PIK3R5: variants seen among roughly 807,000 people sequenced by gnomAD.
PIK3R5 encodes the protein phosphoinositide-3-kinase regulatory subunit 5.
Under a neutral mutation model 94.9 loss-of-function variants are expected in PIK3R5, and 32 were observed. The ratio of observed to expected loss-of-function variants is 0.34; its 90% CI spans 0.25 to 0.45. PIK3R5 has a LOEUF of 0.45. Ranked by LOEUF, PIK3R5 falls within the 20% of genes least tolerant of loss-of-function variation. The probability of loss-of-function intolerance (pLI) is 1.00; values close to 1 mark genes in which losing one functional copy is unlikely to be tolerated. For synonymous variants in PIK3R5, 443 were observed against 479.4 expected (o/e 0.92, Z 0.99); for missense variants, 853 against 1,144.6 (o/e 0.75, Z 3.68).
chr17:8,948,042 T>TAAAAAAAAAAAAAA (rs71135932), intron 1 of PIK3R5, among the ~76,000 whole-genome samples: 21 of 62,738 alleles, frequency 3.3e-4, no homozygotes, highest in Non-Finnish European at 4.8e-4. Flanking sequence ...GACTCCGTCT[T>TAAAAAAAAAAAAAA]AAAAAAAAAA....
At position 8,955,290 on chromosome 17, in the gene PIK3R5, C is replaced by G. The variant is rs1451589321; in HGVS notation, c.-14+10306G>C. On this transcript the variant is annotated intron_variant, in intron 1 of 18. Transcript: ENST00000447110. This position sits in a 1 kb window ranked among gnomAD's most constrained non-coding sequence, Gnocchi z 4.4. ...CATTCAGCAAGCACTGATTGAATGA[C>G]AAGTGCTGGCCCCTGCAAGGCACTG... 6.6e-6 allele frequency among the ~76,000 whole-genome samples: 1 copy of G among 152,228 alleles called. No homozygotes were observed. The highest frequency in any genetic ancestry group is 1.5e-5 in the Non-Finnish European group (1 of 68,038).
intron 14 of PIK3R5, among the ~76,000 whole-genome samples, chr17:8,885,899 T>C (rs1159743620): frequency 5.5e-5 from 3 of 54,944 alleles, no homozygotes; most frequent in African/African-American, 7.8e-5. Context: ...TAACCCTGCC[T>C]CCCCAAGGCC....
In PIK3R5 at chr17:8,889,249, G is replaced by T. The variant is rs2089962863; in HGVS notation, c.812-27C>A. 6.3e-7 allele frequency: 1 copy of T among 1,583,964 alleles called. No homozygotes were observed. The highest frequency in any genetic ancestry group is 8.7e-7 in the Non-Finnish European group (1 of 1,155,944). Reference sequence around the variant, plus strand: ...TGTAAGAACAGGGAGGATAGGAGAAGAGGGCTGGGAAGAGGCCTTGGAGAT... The same window carrying T: ...TGTAAGAACAGGGAGGATAGGAGAATAGGGCTGGGAAGAGGCCTTGGAGAT... On this transcript the variant is annotated intron_variant, in intron 8 of 18. Coordinates refer to ENST00000447110, the MANE Select transcript of PIK3R5 (RefSeq NM_001142633.3). The surrounding 1 kb of genome is among the most constrained non-coding windows in gnomAD (Gnocchi z 4.1).
chr17:8,903,049 T>G (rs903714481), intron 5 of PIK3R5, among the ~76,000 whole-genome samples: 9 of 152,146 alleles, frequency 5.9e-5, no homozygotes, highest in Admixed American at 3.9e-4. Flanking sequence ...TTCACCATAT[T>G]GGTCAGGCTG....
chr17:8,914,175 G>T (rs1414045547), intron 1 of PIK3R5, among the ~76,000 whole-genome samples: 1 of 152,114 alleles, frequency 6.6e-6, no homozygotes, highest in Non-Finnish European at 1.5e-5. Context: ...ATTTCTCCCA[G>T]GTTACCCCCA....
rs1040849260 is a variant in PIK3R5, at chr17:8,884,565, G to T, written c.2205+142C>A. 13 of 650,424 alleles carry T rather than the reference G, an allele frequency of 2.0e-5. No homozygotes were observed. The highest frequency in any genetic ancestry group is 2.0e-4 in the African/African-American group (11 of 55,102). 40.3% of individuals were successfully genotyped at this position (650,424 alleles called of 1,614,324 possible). A position where few individuals can be genotyped will look rare whatever the true frequency, so the allele number is the denominator to read the frequency against. On this transcript the variant is annotated intron_variant, in intron 15 of 18. Transcript: ENST00000447110. The surrounding 1 kb of genome is among the most constrained non-coding windows in gnomAD (Gnocchi z 5.8). ...CTCCTTCCCTTCTCTGCTTCTCTCAGCATCCAGGGGAGCCTGCTGCAGCCT... is the reference window on the plus strand; with the variant it reads ...CTCCTTCCCTTCTCTGCTTCTCTCATCATCCAGGGGAGCCTGCTGCAGCCT...
At chr17:8,949,591 G>A (rs895046878) in intron 1 of PIK3R5, among the ~76,000 whole-genome samples, 1 of 152,172 alleles carries the variant, frequency 6.6e-6, no homozygotes, top group African/African-American at 2.4e-5. Context: ...AAGAAAGGGA[G>A]AATTCTGTAA....
chr17:8,951,285 G>A (rs1276863335), intron 1 of PIK3R5, among the ~76,000 whole-genome samples: 1 of 152,142 alleles, frequency 6.6e-6, no homozygotes, highest in Non-Finnish European at 1.5e-5. Flanking sequence ...ACAGTTCTAA[G>A]TATACAGTTC....
At chr17:8,963,416 T>G (rs1219344802) in intron 1 of PIK3R5, among the ~76,000 whole-genome samples, 3 of 152,178 alleles carry the variant, frequency 2.0e-5, no homozygotes, top group Non-Finnish European at 4.4e-5. Flanking sequence ...CACAGGGGTA[T>G]GGAGCAGCCT....
Position 8,880,511 on chromosome 17 carries a change from T to C in PIK3R5, c.*128A>G. 1.0e-6 allele frequency: 1 copy of C among 963,130 alleles called. No individual in the cohort carries two copies. The highest frequency in any genetic ancestry group is 1.5e-6 in the Non-Finnish European group (1 of 678,994). The allele number at this position is 963,130 out of a possible 1,614,324, so 59.7% of individuals were successfully genotyped here. A position where few individuals can be genotyped will look rare whatever the true frequency, so the allele number is the denominator to read the frequency against. ...CCCTCTACTCCCAGCCCCTGCTCAT[T>C]GCAGGACCCACAGTGGGACTATGGC... On this transcript the variant is annotated 3_prime_UTR_variant, in exon 19 of 19. Transcript: ENST00000447110.
At chr17:8,902,249 ATTTTTTTTTTTT>A (rs397960477) in intron 5 of PIK3R5, among the ~76,000 whole-genome samples, 1 of 77,194 alleles carries the variant, frequency 1.3e-5, no homozygotes, top group Non-Finnish European at 2.3e-5. Context: ...TGATATATTA[ATTTTTTTTTTTT>A]TTTTTTTTTT....
At chr17:8,957,137 G>A (rs2091478516) in intron 1 of PIK3R5, among the ~76,000 whole-genome samples, 1 of 152,166 alleles carries the variant, frequency 6.6e-6, no homozygotes, top group African/African-American at 2.4e-5. Context: ...AGTCAGACAT[G>A]GCCACCATGA....
At chr17:8,952,799 C>G (rs113137420) in intron 1 of PIK3R5, among the ~76,000 whole-genome samples, 1 of 152,112 alleles carries the variant, frequency 6.6e-6, no homozygotes, top group Admixed American at 6.5e-5. Flanking sequence ...ACACAGCCAA[C>G]GAGAAGTAAG....
At chr17:8,922,595 G>A (rs1030123537) in intron 1 of PIK3R5, among the ~76,000 whole-genome samples, 3 of 152,180 alleles carry the variant, frequency 2.0e-5, no homozygotes, top group South Asian at 2.1e-4. Context: ...GTACTGTTTC[G>A]TCTCAGTGTT....
intron 1 of PIK3R5, among the ~76,000 whole-genome samples, chr17:8,922,660 T>C (rs1280407466): frequency 1.3e-5 from 2 of 152,144 alleles, no homozygotes. Context: ...TGAGTTTCCA[T>C]TGTTGGTGAT....
rs1161459317 is a variant in PIK3R5, at chr17:8,882,436, T to G, written c.2206-555A>C. ...GTGCCTCTCTGCTTTGCTGGATCGCTGCCCTCTGCCCGCCATTACATCATG... is the reference window on the plus strand; with the variant it reads ...GTGCCTCTCTGCTTTGCTGGATCGCGGCCCTCTGCCCGCCATTACATCATG... On this transcript the variant is annotated intron_variant, in intron 15 of 18. Coordinates refer to ENST00000447110, the MANE Select transcript of PIK3R5 (RefSeq NM_001142633.3). This position sits in a 1 kb window ranked among gnomAD's most constrained non-coding sequence, Gnocchi z 4.1. 1 of 160,396 alleles carries G rather than the reference T, an allele frequency of 6.2e-6. No individual in the cohort carries two copies. The highest frequency in any genetic ancestry group is 1.4e-5 in the Non-Finnish European group (1 of 72,264). The allele number at this position is 160,396 out of a possible 1,614,324, so 9.9% of individuals were successfully genotyped here.
rs1161473330 is a variant in PIK3R5 at position 8,889,241 on chromosome 17, T to C, written c.812-19A>G. The C allele has an allele frequency of 5.0e-6, 8 of 1,601,672 alleles. No homozygotes were observed. The highest frequency in any genetic ancestry group is 1.1e-5 in the South Asian group (1 of 90,266). Reference sequence around the variant, plus strand: ...GCAGTGTCTGTAAGAACAGGGAGGATAGGAGAAGAGGGCTGGGAAGAGGCC... The same window carrying C: ...GCAGTGTCTGTAAGAACAGGGAGGACAGGAGAAGAGGGCTGGGAAGAGGCC... On this transcript the variant is annotated intron_variant, in intron 8 of 18. Coordinates refer to ENST00000447110, the MANE Select transcript of PIK3R5 (RefSeq NM_001142633.3). This position sits in a 1 kb window ranked among gnomAD's most constrained non-coding sequence, Gnocchi z 4.1.
intron 1 of PIK3R5, among the ~76,000 whole-genome samples, chr17:8,942,091 C>G (rs739435): frequency 6.6e-6 from 1 of 151,876 alleles, no homozygotes; most frequent in African/African-American, 2.4e-5. Context: ...CTCCTCACAA[C>G]GGGGCCCTCA....
chr17:8,923,631 C>T (rs1174970959), intron 1 of PIK3R5, among the ~76,000 whole-genome samples: 1 of 152,206 alleles, frequency 6.6e-6, no homozygotes, highest in Non-Finnish European at 1.5e-5. Context: ...AAGCTCCAGG[C>T]AGCAACCGAA....
Sources: gnomAD v4.1 joint callset for allele counts (sites outside exome capture counted in the v4.1 genomes callset) on GRCh38, gnomAD v4.1.1 for gene constraint, Gnocchi (gnomAD v3.1) non-coding constraint, MANE v1.5 for transcripts, NCBI Gene and HGNC (gene_info 2026-07-23, HGNC 2026-07-21) for gene names.